TCP11: variants seen among roughly 807,000 people sequenced by gnomAD.
TCP11 encodes the protein t-complex 11.
TCP11 carries 34 observed loss-of-function variants against 45.0 expected under a neutral mutation model. That is an observed-to-expected ratio of 0.76 (90% CI 0.57 to 1.01). TCP11 has a LOEUF of 1.01. TCP11 is among the 50% of genes least tolerant of loss of function. The pLI is 0.00. For missense variants in TCP11, 523 were observed against 598.1 expected, an observed-to-expected ratio of 0.87 and a Z score of 1.31; for synonymous variants, 227 against 227.0, an observed-to-expected ratio of 1.00 and a Z score of 0.00.
chr6:35,139,003 C>T (rs557724920), intron 2 of TCP11, among the ~76,000 whole-genome samples: 9 of 152,264 alleles, frequency 5.9e-5, no homozygotes, highest in Admixed American at 5.9e-4. Context: ...GCCTGGCCGA[C>T]ATGGTGAAAC....
chr6:35,129,267 T>C, intron 3 of TCP11, 85 bp from the exon 4 acceptor site: 1 of 1,498,674 alleles, frequency 6.7e-7, no homozygotes, highest in Non-Finnish European at 8.9e-7. Flanking sequence ...AAACTGAATT[T>C]GATATGGTAA....
intron 1 of TCP11, 59 bp from the exon 2 acceptor site, chr6:35,140,943 A>AG: frequency 1.1e-6 from 1 of 888,654 alleles, no homozygotes; most frequent in Non-Finnish European, 1.5e-6. Flanking sequence ...CCAATTGCCA[A>AG]GGGGGTCCCT....
Position 35,140,815 on chromosome 6 carries a change from C to CGGCA in TCP11, c.55_56insTGCC (p.Arg19MetfsTer5). The CGGCA allele has an allele frequency of 6.5e-7, 1 of 1,549,358 alleles. No homozygotes were observed. The highest frequency in any genetic ancestry group is 8.7e-7 in the Non-Finnish European group (1 of 1,153,132). ...TCCTGAGGTTTCGGGCTTACAGGAC[C>CGGCA]TGCCCTCTGAGTCGCCAGGATATTT... On this transcript the variant is annotated frameshift_variant, in exon 2 of 10. Coordinates refer to ENST00000311875, the MANE Select transcript of TCP11 (RefSeq NM_001370687.1). LOFTEE classifies it high-confidence loss of function.
Position 35,129,192 on chromosome 6 carries a change from G to C in TCP11, c.237-10C>G. On this transcript the variant is annotated splice_polypyrimidine_tract_variant and intron_variant, in intron 3 of 9. Coordinates refer to ENST00000311875, the MANE Select transcript of TCP11 (RefSeq NM_001370687.1). ...GACCTTGCCTTCCAGACTATAAGAG[G>C]GTTAAATGAGCAGATTACTCTCTCA... 1 of 1,606,116 alleles carries C rather than the reference G, an allele frequency of 6.2e-7. No homozygotes were observed. The highest frequency in any genetic ancestry group is 2.2e-5 in the East Asian group (1 of 44,640).
intron 3 of TCP11, among the ~76,000 whole-genome samples, chr6:35,130,643 A>G (rs1470118633): frequency 6.6e-6 from 1 of 152,076 alleles, no homozygotes; most frequent in Non-Finnish European, 1.5e-5. Context: ...AATTAAAACA[A>G]CAAAAAGAAA....
Position 35,140,835 on chromosome 6 carries a change from A to C in TCP11, c.36T>G (p.Tyr12Ter). The C allele has an allele frequency of 6.4e-7, 1 of 1,563,824 alleles. No individual in the cohort carries two copies. The highest frequency in any genetic ancestry group is 2.3e-5 in the East Asian group (1 of 44,184). ...PDVKESVPPK[Y>*]PGDSEGRSCK... ...AGGACCTGCCCTCTGAGTCGCCAGG[A>C]TATTTCGGGGGCACACTCTCCTTGA... is the stretch of plus-strand genomic sequence containing the variant. The change falls in exon 2 of 10, where the codon TAT becomes TAG. Residue 12 changes from tyrosine to a stop codon, truncating the protein, a stop_gained. Transcript: ENST00000311875. LOFTEE classifies it high-confidence loss of function.
chr6:35,140,217 T>A lies in TCP11; in HGVS notation c.124+530A>T, dbSNP rs41270054. On this transcript the variant is annotated intron_variant, in intron 2 of 9. Transcript: ENST00000311875. ...GACAGCTCCTCAGTTTGATGACTAG[T>A]TACGTTCTCTGGAGATTAAGAGAAA... 9,528 of 1,520,936 alleles carry A rather than the reference T, an allele frequency of 6.3e-3. 34 individuals are homozygous for A. The highest frequency in any genetic ancestry group is 7.6e-3 in the Non-Finnish European group (8,658 of 1,131,824). 94.2% of individuals were successfully genotyped at this position (1,520,936 alleles called of 1,614,324 possible).
chr6:35,135,113 C>G (rs1196340611), intron 3 of TCP11, among the ~76,000 whole-genome samples: 1 of 149,530 alleles, frequency 6.7e-6, no homozygotes, highest in East Asian at 2.0e-4. Context: ...CGCCATTGCA[C>G]TCCAGCCTGG....
chr6:35,137,939 T>C, intron 2 of TCP11: 2 of 386,266 alleles, frequency 5.2e-6, no homozygotes, highest in Middle Eastern at 3.8e-4. Context: ...GATTTGAAAA[T>C]GTAAAAAGGA....
At chr6:35,138,962 C>A (rs751028930) in intron 2 of TCP11, among the ~76,000 whole-genome samples, 1 of 152,074 alleles carries the variant, frequency 6.6e-6, no homozygotes, top group Non-Finnish European at 1.5e-5. Flanking sequence ...CTAAGGCAGG[C>A]AGATCACCTG....
intron 3 of TCP11, among the ~76,000 whole-genome samples, chr6:35,135,043 A>C (rs1329582809): frequency 6.6e-6 from 1 of 151,810 alleles, no homozygotes; most frequent in East Asian, 1.9e-4. Flanking sequence ...GCTACTTGGG[A>C]GGCTGAGGCA....
rs746214262 is a variant in TCP11, at chr6:35,118,394, G to A, written c.1387C>T (p.Leu463=). 2.5e-6 allele frequency: 4 copies of A among 1,614,212 alleles called. No homozygotes were observed. In the South Asian group the frequency reaches 4.4e-5, roughly 18 times the overall value. ...LTLIEAELAE[L]GQKFVNLTHH... The stretch of plus-strand genomic sequence containing the variant: ...GTCAAGTTGACAAACTTTTGGCCCA[G>A]TTCTGCCAGTTCTGCTTCAATGAGA... Residue 463 remains leucine, a synonymous_variant, in exon 10 of 10, where the codon CTG becomes TTG. Transcript: ENST00000311875.
In TCP11 at chr6:35,118,180, C is replaced by T; in HGVS notation, c.*89G>A. 9.0e-7 allele frequency: 1 copy of T among 1,115,696 alleles called. No individual in the cohort carries two copies. 69.1% of individuals were successfully genotyped at this position (1,115,696 alleles called of 1,614,324 possible). A position where few individuals can be genotyped will look rare whatever the true frequency, so the allele number is the denominator to read the frequency against. ...GGCTGCAGGGCCTGGGATAGAAGCT[C>T]ACTGTCTGCTGGTCACTGGTGATGT... On this transcript the variant is annotated 3_prime_UTR_variant, in exon 10 of 10. Transcript: ENST00000311875.
At chr6:35,123,116 A>G (rs975329538) in intron 4 of TCP11, among the ~76,000 whole-genome samples, 4 of 152,178 alleles carry the variant, frequency 2.6e-5, no homozygotes, top group African/African-American at 9.7e-5. Flanking sequence ...TGGTAAAAAG[A>G]AACTGCAAGA....
intron 3 of TCP11, among the ~76,000 whole-genome samples, chr6:35,134,032 C>G (rs1780761611): frequency 6.6e-6 from 1 of 152,094 alleles, no homozygotes; most frequent in Non-Finnish European, 1.5e-5. Flanking sequence ...CAAAACACCA[C>G]TAACAGAAAA....
intron 3 of TCP11, among the ~76,000 whole-genome samples, chr6:35,132,726 C>G (rs1473348491): frequency 1.3e-5 from 2 of 152,174 alleles, no homozygotes; most frequent in African/African-American, 2.4e-5. Flanking sequence ...GTTCTGAATA[C>G]TACTATTTCT....
In TCP11 at chr6:35,132,020, C is replaced by T. The variant is rs143056402; in HGVS notation, c.237-2838G>A. ...TAAAAACAATGCTGTTTCTCAGATG[C>T]CATATTCAACATGATGTAATGCTTA... On this transcript the variant is annotated intron_variant, in intron 3 of 9. Coordinates refer to ENST00000311875, the MANE Select transcript of TCP11 (RefSeq NM_001370687.1). 2.4e-3 allele frequency among the ~76,000 whole-genome samples: 368 copies of T among 152,354 alleles called. 1 individual carries two copies. The highest frequency in any genetic ancestry group is 3.9e-3 in the Non-Finnish European group (267 of 68,040).
chr6:35,135,580 G>T (rs1400130779), intron 3 of TCP11, among the ~76,000 whole-genome samples: 22 of 144,970 alleles, frequency 1.5e-4, no homozygotes, highest in Admixed American at 1.5e-3. Flanking sequence ...GAGCCTAGGA[G>T]TTCAAGACAA....
At chr6:35,133,383 A>C (rs903654060) in intron 3 of TCP11, among the ~76,000 whole-genome samples, 1 of 152,088 alleles carries the variant, frequency 6.6e-6, no homozygotes, top group Non-Finnish European at 1.5e-5. Flanking sequence ...AGGTCTCACT[A>C]TGTTGCCCAG....
Sources: gnomAD v4.1 joint callset for allele counts (sites outside exome capture counted in the v4.1 genomes callset) on GRCh38, gnomAD v4.1.1 for gene constraint, MANE v1.5 for transcripts, NCBI Gene and HGNC (gene_info 2026-07-23, HGNC 2026-07-21) for gene names.